RFXANK: variants seen among roughly 807,000 people sequenced by gnomAD.
RFXANK encodes DNA-binding protein RFXANK.
RFXANK carries 19 observed loss-of-function variants against 34.5 expected under a neutral mutation model. That is an observed-to-expected ratio of 0.55 (90% CI 0.38 to 0.81). The LOEUF (loss-of-function observed/expected upper bound fraction) is 0.81. Ranked by LOEUF, RFXANK falls within the 30% of genes least tolerant of loss-of-function variation. The pLI is 0.00. For missense variants in RFXANK, 295 were observed against 343.5 expected, an observed-to-expected ratio of 0.86 and a Z score of 1.12; for synonymous variants, 154 against 149.8, an observed-to-expected ratio of 1.03 and a Z score of -0.20.
At chr19:19,200,491 T>C (rs1599791551) in intron 9 of RFXANK, among the ~76,000 whole-genome samples, 1 of 151,732 alleles carries the variant, frequency 6.6e-6, no homozygotes, top group South Asian at 2.1e-4. Flanking sequence ...GTTGTTTTTT[T>C]AGAAGAGACA....
rs201676379 is a variant in RFXANK at position 19,198,704 on chromosome 19, A to C, written c.612A>C (p.Lys204Asn). The change falls in exon 8 of 10, where the codon AAA (lysine) becomes AAC (asparagine). Residue 204 changes from lysine to asparagine, a missense_variant. Transcript: ENST00000303088. ...ACGCTGTGCGCGGGAACCACGTGAAATGCGTTGAGGCCTTGCTGGGTGAGT... is the reference window on the plus strand; with the variant it reads ...ACGCTGTGCGCGGGAACCACGTGAACTGCGTTGAGGCCTTGCTGGGTGAGT... The part of the protein sequence containing the change: ...LLYAVRGNHV[K>N]CVEALLARGA... The C allele has an allele frequency of 6.2e-7, 1 of 1,613,880 alleles. No homozygotes were observed. Among genetic ancestry groups the C allele is most frequent in the Non-Finnish European group, 8.5e-7 (1 of 1,180,038 alleles).
intron 9 of RFXANK, chr19:19,200,756 GGATTACAAGT>G (rs1028959870): frequency 1.3e-5 from 2 of 153,176 alleles, no homozygotes; most frequent in African/African-American, 5.0e-5. Flanking sequence ...TGAATAGCTG[GGATTACAAGT>G]GCCTGCCACC....
intron 3 of RFXANK, among the ~76,000 whole-genome samples, chr19:19,194,384 C>T (rs1286134456): frequency 1.3e-5 from 2 of 152,190 alleles, no homozygotes; most frequent in African/African-American, 4.8e-5. Flanking sequence ...AGGCTTCCGC[C>T]ACTACGCCCA....
chr19:19,197,316 T>C, intron 5 of RFXANK, 65 bp downstream of exon 5: 1 of 1,513,692 alleles, frequency 6.6e-7, no homozygotes, highest in South Asian at 1.1e-5. Flanking sequence ...TGGGTGTCCA[T>C]ACCCACTCAT....
At chr19:19,194,517 T>C (rs938397925) in intron 3 of RFXANK, among the ~76,000 whole-genome samples, 3 of 152,182 alleles carry the variant, frequency 2.0e-5, no homozygotes, top group African/African-American at 4.8e-5. Flanking sequence ...ATTACAGGCA[T>C]GAGCCACTGT....
In RFXANK at chr19:19,201,747, C is replaced by T. The variant is rs2060723364; in HGVS notation, c.*28C>T. 6.2e-7 allele frequency: 1 copy of T among 1,613,636 alleles called. No individual in the cohort carries two copies. The highest frequency in any genetic ancestry group is 1.7e-5 in the Admixed American group (1 of 60,006). ...GCCGCCTGCCGGGGACTCAGACACT[C>T]AGGGAACAAAATGGTCAGCCAGAGC... On this transcript the variant is annotated 3_prime_UTR_variant, in exon 10 of 10. Coordinates refer to ENST00000303088, the MANE Select transcript of RFXANK (RefSeq NM_003721.4).
Position 19,199,212 on chromosome 19 carries a change from C to G in RFXANK, c.690C>G (p.Ala230=). 1 of 1,613,884 alleles carries G rather than the reference C, an allele frequency of 6.2e-7. No homozygotes were observed. Among genetic ancestry groups the G allele is most frequent in the Non-Finnish European group, 8.5e-7 (1 of 1,179,960 alleles). ...ADSGYTPMDL[A]VALGYRKVQQ... ...CTGGCTACACCCCGATGGACCTTGC[C>G]GTGGCCCTGGGATACCGGAAAGGTC... is the stretch of plus-strand genomic sequence containing the variant. Residue 230 remains alanine, a synonymous_variant, in exon 9 of 10, where the codon GCC becomes GCG. Transcript: ENST00000303088.
In RFXANK at chr19:19,192,964, A is replaced by G. The variant is rs145322331; in HGVS notation, c.-145A>G. 8.9e-4 allele frequency: 136 copies of G among 152,470 alleles called. No individual in the cohort carries two copies. The highest frequency in any genetic ancestry group is 3.1e-3 in the African/African-American group (129 of 41,580). The allele number at this position is 152,470 out of a possible 1,614,324, so 9.4% of individuals were successfully genotyped here. A position where few individuals can be genotyped will look rare whatever the true frequency, so the allele number is the denominator to read the frequency against. On this transcript the variant is annotated 5_prime_UTR_variant, in exon 2 of 10. Coordinates refer to ENST00000303088, the MANE Select transcript of RFXANK (RefSeq NM_003721.4). ...AGTTGCTTTCTGTCCCGGCAGAGGA[A>G]GCCAGATCGCTGAGGGTCCGGTCTC...
rs140768842 is a variant in RFXANK at position 19,196,467 on chromosome 19, T to G, written c.188-496T>G. Among the ~76,000 whole-genome samples, 1,432 of 150,092 alleles carry G rather than the reference T, an allele frequency of 9.5e-3. 28 individuals are homozygous for G. Among genetic ancestry groups the G allele is most frequent in the African/African-American group, 0.033 (1,337 of 40,770 alleles). On this transcript the variant is annotated intron_variant, in intron 3 of 9. Coordinates refer to ENST00000303088, the MANE Select transcript of RFXANK (RefSeq NM_003721.4). Reference sequence around the variant, plus strand: ...GTTTCAGCTGCTCAGGAGGCTGAGGTGGGAGGTTGGCTTGAGCCCAGGAGG... The same window carrying G: ...GTTTCAGCTGCTCAGGAGGCTGAGGGGGGAGGTTGGCTTGAGCCCAGGAGG...
rs193013614 is a variant in RFXANK at position 19,200,970 on chromosome 19, T to C, written c.713-679T>C. 247 of 181,498 alleles carry C rather than the reference T, an allele frequency of 1.4e-3. 1 individual carries two copies. Among genetic ancestry groups the C allele is most frequent in the Non-Finnish European group, 2.2e-3 (187 of 85,398 alleles). The allele number at this position is 181,498 out of a possible 1,614,324, so 11.2% of individuals were successfully genotyped here. On this transcript the variant is annotated intron_variant, in intron 9 of 9. Transcript: ENST00000303088. ...TGCACCACCATGCCCAACTAATTTT[T>C]TGCATTTTTAGTAGAGTCAGGGTTT...
chr19:19,193,195 C>G (rs561217706), intron 2 of RFXANK, 95 bp downstream of exon 2: 3 of 152,286 alleles, frequency 2.0e-5, no homozygotes, highest in African/African-American at 7.2e-5. Flanking sequence ...GGAGCCCCTC[C>G]CAACAACCAT....
rs2097620493 is a variant in RFXANK at position 19,197,544 on chromosome 19, G to A, written c.361G>A (p.Asp121Asn). 6.2e-7 allele frequency: 1 copy of A among 1,613,808 alleles called. No individual in the cohort carries two copies. Among genetic ancestry groups the A allele is most frequent in the Non-Finnish European group, 8.5e-7 (1 of 1,180,036 alleles). Residue 121 changes from aspartate to asparagine, a missense_variant, in exon 6 of 10, where the codon GAC (aspartate) becomes AAC (asparagine). Transcript: ENST00000303088. Reference protein sequence around the residue: ...RKGDNLVNKPDERGFTPLIWA... With the variant: ...RKGDNLVNKPNERGFTPLIWA... Reference sequence around the variant, plus strand: ...AGGTGACAACCTCGTCAACAAGCCAGACGAGCGCGGCTTCACCCCCCTCAT... The same window carrying A: ...AGGTGACAACCTCGTCAACAAGCCAAACGAGCGCGGCTTCACCCCCCTCAT...
rs2060635820 is a variant in RFXANK, at chr19:19,198,189, GGCT to G, written c.529_531del (p.Leu177del). The G allele has an allele frequency of 1.2e-6, 2 of 1,614,146 alleles. No individual in the cohort carries two copies. The highest frequency in any genetic ancestry group is 8.5e-7 in the Non-Finnish European group (1 of 1,180,018). On this transcript the variant is annotated inframe_deletion, in exon 7 of 10. Coordinates refer to ENST00000303088, the MANE Select transcript of RFXANK (RefSeq NM_003721.4). ...ACAGGCGGCTACACAGACATTGTGG[GGCT>G]GCTGCTGGAGCGTGACGTGGACATC...
chr19:19,196,573 A>C (rs1278726139), intron 3 of RFXANK, among the ~76,000 whole-genome samples: 2 of 148,784 alleles, frequency 1.3e-5, no homozygotes, highest in Admixed American at 6.7e-5. Context: ...AAAAAAAAAA[A>C]AACCCCAATA....
intron 9 of RFXANK, 63 bp downstream of exon 9, chr19:19,199,297 G>A (rs1468232515): frequency 1.1e-5 from 16 of 1,480,698 alleles, no homozygotes; most frequent in East Asian, 2.3e-5. Flanking sequence ...ACCATAAAGG[G>A]GTACATGGGA....
intron 8 of RFXANK, 68 bp downstream of exon 8, chr19:19,198,791 G>A: frequency 6.8e-7 from 1 of 1,464,100 alleles, no homozygotes; most frequent in Non-Finnish European, 9.6e-7. Context: ...AATCCTGAGG[G>A]CAGGGAGACG....
At position 19,193,022 on chromosome 19, in the gene RFXANK, A is replaced by T. The variant is rs2060517051; in HGVS notation, c.-87A>T. 6.6e-6 allele frequency: 1 copy of T among 152,188 alleles called. No individual in the cohort carries two copies. The highest frequency in any genetic ancestry group is 1.5e-5 in the Non-Finnish European group (1 of 68,078). 9.4% of individuals were successfully genotyped at this position (152,188 alleles called of 1,614,324 possible). A position where few individuals can be genotyped will look rare whatever the true frequency, so the allele number is the denominator to read the frequency against. ...CCTCCTGCTATATCCATTGGAAGAG[A>T]AAAGTTTGTGACTTGGGCCCCCAAG... On this transcript the variant is annotated 5_prime_UTR_variant, in exon 2 of 10. Coordinates refer to ENST00000303088, the MANE Select transcript of RFXANK (RefSeq NM_003721.4).
chr19:19,196,562 A>C (rs2060601991), intron 3 of RFXANK, among the ~76,000 whole-genome samples: 1 of 126,226 alleles, frequency 7.9e-6, no homozygotes, highest in African/African-American at 3.6e-5. Flanking sequence ...ACTCTGTCTC[A>C]AAAAAAAAAA....
chr19:19,193,570 C>T (rs993214230), intron 2 of RFXANK, among the ~76,000 whole-genome samples: 3 of 151,988 alleles, frequency 2.0e-5, no homozygotes, highest in Non-Finnish European at 2.9e-5. Flanking sequence ...CGCCCGCCAC[C>T]GCGCTTGGCT....
Sources: gnomAD v4.1 joint callset for allele counts (sites outside exome capture counted in the v4.1 genomes callset) on GRCh38, gnomAD v4.1.1 for gene constraint, MANE v1.5 for transcripts, NCBI Gene and HGNC (gene_info 2026-07-23, HGNC 2026-07-21) for gene names.